KCNAB1: variants seen among roughly 807,000 people sequenced by gnomAD.
KCNAB1 encodes the protein voltage-gated potassium channel subunit beta-1.
A neutral mutation model predicts 64.6 loss-of-function variants in KCNAB1; 35 were observed. The observed-to-expected ratio is 0.54, with a 90% confidence interval of 0.41 to 0.72. The LOEUF (loss-of-function observed/expected upper bound fraction) is 0.72, where lower values mean the gene tolerates loss of function less well. KCNAB1 is among the 30% of genes least tolerant of loss of function. The probability of loss-of-function intolerance (pLI) is 0.00; values close to 1 mark genes in which losing one functional copy is unlikely to be tolerated. For synonymous variants in KCNAB1, 177 were observed against 183.8 expected (o/e 0.96, Z 0.30); for missense variants, 401 against 512.9 (o/e 0.78, Z 2.11).
intron 1 of KCNAB1, among the ~76,000 whole-genome samples, chr3:156,127,252 A>T (rs1713713780): frequency 6.6e-6 from 1 of 152,024 alleles, no homozygotes; most frequent in Non-Finnish European, 1.5e-5. Context: ...TTCAACCAAT[A>T]TTTTTTTTCC....
intron 3 of KCNAB1, among the ~76,000 whole-genome samples, chr3:156,454,790 A>C (rs996516265): frequency 5.9e-5 from 9 of 152,164 alleles, no homozygotes; most frequent in Non-Finnish European, 1.2e-4. Context: ...AAAAAGACAG[A>C]AATATCTTCC....
chr3:156,418,476 A>G (rs1187108709), intron 1 of KCNAB1, among the ~76,000 whole-genome samples: 1 of 152,258 alleles, frequency 6.6e-6, no homozygotes, highest in Non-Finnish European at 1.5e-5. Flanking sequence ...ATCAGATCTT[A>G]AGTGGCTTAG....
chr3:156,160,728 G>A (rs1045852558), intron 1 of KCNAB1, among the ~76,000 whole-genome samples: 10 of 152,240 alleles, frequency 6.6e-5, no homozygotes, highest in Non-Finnish European at 1.2e-4. Context: ...ATGGAAAGGA[G>A]AGGAAAGCAT....
At chr3:156,489,877 T>C (rs1410176412) in intron 8 of KCNAB1, among the ~76,000 whole-genome samples, 1 of 152,030 alleles carries the variant, frequency 6.6e-6, no homozygotes, top group African/African-American at 2.4e-5. Context: ...GGTTCATCTA[T>C]TAGAGAATCC....
At chr3:156,396,089 G>A (rs1269277464) in intron 1 of KCNAB1, among the ~76,000 whole-genome samples, 2 of 152,190 alleles carry the variant, frequency 1.3e-5, no homozygotes, top group African/African-American at 2.4e-5. Flanking sequence ...CCATCTGGCT[G>A]TGTAAACCTT....
chr3:156,155,091 A>G (rs1429684616), intron 1 of KCNAB1, among the ~76,000 whole-genome samples: 1 of 152,216 alleles, frequency 6.6e-6, no homozygotes, highest in Non-Finnish European at 1.5e-5. Context: ...AAATTTACTA[A>G]TACAAATTAT....
intron 1 of KCNAB1, chr3:156,382,234 A>G (rs1235002837): frequency 6.6e-6 from 1 of 152,178 alleles, no homozygotes; most frequent in African/African-American, 2.4e-5. Flanking sequence ...CTGTAATCCC[A>G]GCGCTTTGGG....
intron 1 of KCNAB1, among the ~76,000 whole-genome samples, chr3:156,266,458 A>G (rs1257345331): frequency 6.6e-6 from 1 of 152,176 alleles, no homozygotes; most frequent in African/African-American, 2.4e-5. Context: ...GGAATTCAAA[A>G]AGCACCTCTC....
chr3:156,199,395 A>T (rs1270115402), intron 1 of KCNAB1, among the ~76,000 whole-genome samples: 4 of 152,204 alleles, frequency 2.6e-5, no homozygotes, highest in Non-Finnish European at 5.9e-5. Flanking sequence ...CTCCTGCATA[A>T]TATCCTGAAG....
At chr3:156,433,034 C>T (rs1576858006) in intron 2 of KCNAB1, among the ~76,000 whole-genome samples, 1 of 152,276 alleles carries the variant, frequency 6.6e-6, no homozygotes, top group East Asian at 1.9e-4. Context: ...GCGACTGACT[C>T]GGTCATCCCT....
At chr3:156,361,616 C>T (rs1375508438) in intron 1 of KCNAB1, among the ~76,000 whole-genome samples, 5 of 152,198 alleles carry the variant, frequency 3.3e-5, no homozygotes, top group Admixed American at 2.6e-4. Flanking sequence ...ACAGAAAAGG[C>T]TCTCAATAAA....
chr3:156,221,784 G>A (rs4680246), intron 1 of KCNAB1, among the ~76,000 whole-genome samples: 7 of 139,056 alleles, frequency 5.0e-5, no homozygotes, highest in South Asian at 2.3e-4. Context: ...ATCCCCCCCC[G>A]CCAAAAAAAA....
At chr3:156,186,682 G>A (rs1051360777) in intron 1 of KCNAB1, among the ~76,000 whole-genome samples, 3 of 151,902 alleles carry the variant, frequency 2.0e-5, no homozygotes, top group African/African-American at 7.3e-5. Context: ...CTAGCTTTCA[G>A]TCTCCATCCC....
chr3:156,419,903 A>T (rs2108224034), intron 1 of KCNAB1, among the ~76,000 whole-genome samples: 2 of 152,380 alleles, frequency 1.3e-5, no homozygotes, highest in East Asian at 3.9e-4. Context: ...CCTTAAAATC[A>T]GTAGACTTTT....
chr3:156,217,469 T>A (rs2108405096), intron 1 of KCNAB1, among the ~76,000 whole-genome samples: 1 of 152,318 alleles, frequency 6.6e-6, no homozygotes, highest in African/African-American at 2.4e-5. Flanking sequence ...AAGACCTGAG[T>A]AAAAAGAGGC....
rs142176845 is a variant in KCNAB1 at position 156,126,893 on chromosome 3, T to C, written c.275+6007T>C. On this transcript the variant is annotated intron_variant, in intron 1 of 13. Transcript: ENST00000490337. ...ACATATAGTAGTAAATATGATATTA[T>C]ACAAAGGTCTTAGCATCATTCCTGA... Among the ~76,000 whole-genome samples, 847 of 152,232 alleles carry C rather than the reference T, an allele frequency of 5.6e-3. 9 individuals are homozygous for C. The highest frequency in any genetic ancestry group is 0.019 in the African/African-American group (795 of 41,486).
At chr3:156,361,058 C>T (rs190637068) in intron 1 of KCNAB1, among the ~76,000 whole-genome samples, 3 of 152,302 alleles carry the variant, frequency 2.0e-5, no homozygotes, top group Admixed American at 6.5e-5. Flanking sequence ...CTTCCCAGTA[C>T]ACTCAGAATC....
intron 1 of KCNAB1, among the ~76,000 whole-genome samples, chr3:156,167,335 C>T (rs561510160): frequency 2.0e-5 from 3 of 152,224 alleles, no homozygotes; most frequent in East Asian, 1.9e-4. Context: ...ATTCCATCTA[C>T]AGTTATGAGG....
Position 156,358,682 on chromosome 3 carries a change from A to G in KCNAB1, c.276-62934A>G, listed in dbSNP as rs548226147. Among the ~76,000 whole-genome samples the G allele has an allele frequency of 5.3e-5, 8 of 150,356 alleles. No homozygotes were observed. In the East Asian group the frequency reaches 1.6e-3, roughly 29 times the overall value. ...TTTTCTCTTTCCATTTTTTTTTTTA[A>G]TTGAAGGGAGAGCCTGAACTGGCTC... On this transcript the variant is annotated intron_variant, in intron 1 of 13. Transcript: ENST00000490337.
Sources: allele counts gnomAD v4.1 joint callset (sites outside exome capture counted in the v4.1 genomes callset), GRCh38; gene constraint gnomAD v4.1.1; transcripts MANE v1.5; gene names NCBI Gene and HGNC (gene_info 2026-07-23, HGNC 2026-07-21).